UGT2B11: variants seen among roughly 807,000 people sequenced by gnomAD.
UGT2B11 encodes UDP-glucuronosyltransferase 2B11.
UGT2B11 carries 49 observed loss-of-function variants against 51.7 expected under a neutral mutation model. The ratio of observed to expected loss-of-function variants is 0.95; its 90% CI spans 0.75 to 1.20. The LOEUF (loss-of-function observed/expected upper bound fraction) is 1.20, where lower values mean the gene tolerates loss of function less well. UGT2B11 is among the 50% of genes most tolerant of loss of function. The pLI is 0.00. For missense variants in UGT2B11, 810 were observed against 622.1 expected (o/e 1.30, Z -3.21); for synonymous variants, 273 against 209.0 (o/e 1.31, Z -2.64).
chr4:69,205,445 C>A, intron 4 of UGT2B11, 35 bp downstream of exon 4: 1 of 1,597,618 alleles, frequency 6.3e-7, no homozygotes, highest in Non-Finnish European at 8.6e-7. Flanking sequence ...TGTGCAGTTA[C>A]TAATATATCC....
At chr4:69,216,892 A>C (rs892645533), upstream of UGT2B11, 11 of 152,240 alleles carry the variant, frequency 7.2e-5, 1 homozygote, top group Admixed American at 5.2e-4. Context: ...TTGTGTCAAC[A>C]ATGAGGCAGG....
the UGT2B11 span, among the ~76,000 whole-genome samples, chr4:69,221,058 T>G: frequency 0.13 from 20,483 of 152,188 alleles, 1,518 homozygotes; most frequent in East Asian, 0.19. Context: ...GGTTCGCGTG[T>G]GGCAAGATTG....
intron 5 of UGT2B11, 113 bp downstream of exon 5, chr4:69,204,317 C>T: frequency 6.8e-7 from 1 of 1,469,950 alleles, no homozygotes. Flanking sequence ...TTGGTTATAT[C>T]ATTTAAATTC....
upstream of UGT2B11, chr4:69,215,098 G>A (rs771274164): frequency 1.8e-5 from 3 of 169,078 alleles, no homozygotes; most frequent in Non-Finnish European, 3.8e-5. Context: ...TTTGAATATC[G>A]TGGTTCAATG....
At chr4:69,205,902 T>G (rs1392732890) in intron 3 of UGT2B11, among the ~76,000 whole-genome samples, 1 of 151,574 alleles carries the variant, frequency 6.6e-6, no homozygotes, top group Non-Finnish European at 1.5e-5. Flanking sequence ...ATTAGAGAAA[T>G]TCAAATCAAA....
chr4:69,208,098 A>G (rs559514596), intron 3 of UGT2B11, among the ~76,000 whole-genome samples: 4 of 151,688 alleles, frequency 2.6e-5, no homozygotes, highest in South Asian at 2.1e-4. Context: ...ATACCTACGG[A>G]GTACTGAGTT....
At chr4:69,224,145 C>G in the UGT2B11 span, among the ~76,000 whole-genome samples, 1 of 152,134 alleles carries the variant, frequency 6.6e-6, no homozygotes, top group Admixed American at 6.6e-5. Flanking sequence ...GAATTTAAGA[C>G]TTTTAAATAG....
chr4:69,224,226 T>C, the UGT2B11 span, among the ~76,000 whole-genome samples: 1 of 152,074 alleles, frequency 6.6e-6, no homozygotes, highest in Non-Finnish European at 1.5e-5. Flanking sequence ...CCGGCGGACA[T>C]TAGGACCCAG....
intron 5 of UGT2B11, among the ~76,000 whole-genome samples, chr4:69,203,763 A>G (rs1392769441): frequency 1.3e-5 from 2 of 151,764 alleles, no homozygotes; most frequent in Non-Finnish European, 2.9e-5. Context: ...CTGAGACTGT[A>G]TGATTCCATT....
chr4:69,215,872 T>G (rs1191143067), upstream of UGT2B11: 1 of 152,016 alleles, frequency 6.6e-6, no homozygotes, highest in Non-Finnish European at 1.5e-5. Flanking sequence ...TTCCACATAT[T>G]GGAGGGAAAA....
intron 5 of UGT2B11, chr4:69,204,212 T>G (rs1487767594): frequency 1.9e-6 from 1 of 513,284 alleles, no homozygotes; most frequent in East Asian, 3.6e-5. Flanking sequence ...TATTTTTGTT[T>G]AGAAAATTGC....
intron 3 of UGT2B11, 57 bp downstream of exon 3, chr4:69,208,294 C>G (rs1721931573): frequency 1.1e-5 from 18 of 1,600,926 alleles, no homozygotes; most frequent in Non-Finnish European, 1.5e-5. Context: ...ATGTAGATCA[C>G]AAACATTAAC....
chr4:69,208,183 G>A (rs935549105), intron 3 of UGT2B11, among the ~76,000 whole-genome samples, 168 bp downstream of exon 3: 2 of 151,512 alleles, frequency 1.3e-5, no homozygotes, highest in Non-Finnish European at 3.0e-5. Flanking sequence ...TAACCACTAA[G>A]TCTGAGGCAC....
the UGT2B11 span, among the ~76,000 whole-genome samples, chr4:69,221,844 G>T: frequency 1.3e-5 from 2 of 152,236 alleles, no homozygotes; most frequent in Non-Finnish European, 2.9e-5. Flanking sequence ...GCTGGCGCTT[G>T]CCCCAGGCAC....
the UGT2B11 span, among the ~76,000 whole-genome samples, chr4:69,224,546 G>A: frequency 6.6e-6 from 1 of 152,092 alleles, no homozygotes; most frequent in Non-Finnish European, 1.5e-5. Context: ...TTTAGCCTCT[G>A]AATTCTAAGG....
intron 2 of UGT2B11, chr4:69,211,017 C>T (rs547657469): frequency 1.3e-5 from 2 of 151,486 alleles, no homozygotes; most frequent in Non-Finnish European, 3.0e-5. Context: ...GAAATTATTT[C>T]GTCTTTATTA....
intron 1 of UGT2B11, 143 bp from the exon 2 acceptor site, chr4:69,212,864 A>G: frequency 1.4e-6 from 1 of 739,524 alleles, no homozygotes. Context: ...TATGAATAAT[A>G]TATTATTATG....
chr4:69,214,808 A>T, upstream of UGT2B11: 3 of 1,525,120 alleles, frequency 2.0e-6, no homozygotes, highest in Non-Finnish European at 2.6e-6. Context: ...TTAAAATATA[A>T]CTCCTCCAAT....
At chr4:69,203,777 A>G (rs1721748363) in intron 5 of UGT2B11, among the ~76,000 whole-genome samples, 1 of 151,750 alleles carries the variant, frequency 6.6e-6, no homozygotes, top group Admixed American at 6.6e-5. Flanking sequence ...TTCCATTTAT[A>G]TGAAATATCT....
Sources: allele counts gnomAD v4.1 joint callset (sites outside exome capture counted in the v4.1 genomes callset), GRCh38; gene constraint gnomAD v4.1.1; transcripts MANE v1.5; gene names NCBI Gene and HGNC (gene_info 2026-07-23, HGNC 2026-07-21).